Variants in GEMIN5 observed in about 807,000 individuals in gnomAD.
GEMIN5 encodes the protein gem nuclear organelle associated protein 5, also known as gem-associated protein 5.
GEMIN5 carries 124 observed loss-of-function variants against 176.9 expected under a neutral mutation model. The ratio of observed to expected loss-of-function variants is 0.70; its 90% CI spans 0.61 to 0.81. The LOEUF is 0.81. GEMIN5 is among the 40% of genes least tolerant of loss of function. The pLI, the probability that GEMIN5 is intolerant of heterozygous loss-of-function variation, is 0.00. For missense variants in GEMIN5, 1,843 were observed against 1,814.6 expected (o/e 1.02, Z -0.28); for synonymous variants, 673 against 665.2 (o/e 1.01, Z -0.18).
chr5:154,922,887 G>A (rs545176751), intron 9 of GEMIN5, among the ~76,000 whole-genome samples: 68 of 151,678 alleles, frequency 4.5e-4, no homozygotes, highest in Admixed American at 3.5e-3. Flanking sequence ...TAGTAGAGAC[G>A]GGCTTTCACC....
intron 14 of GEMIN5, among the ~76,000 whole-genome samples, chr5:154,912,123 A>T (rs1332197328): frequency 3.3e-5 from 5 of 152,176 alleles, no homozygotes; most frequent in Non-Finnish European, 7.3e-5. Context: ...TACGGGGATG[A>T]TTTTGAATGA....
chr5:154,926,187 C>A, intron 7 of GEMIN5, 113 bp from the exon 8 acceptor site: 2 of 633,650 alleles, frequency 3.2e-6, no homozygotes, highest in Non-Finnish European at 5.6e-6. Flanking sequence ...TAATGCATGT[C>A]TTCCAGCAGG....
At chr5:154,910,802 C>T (rs1763684936) in intron 15 of GEMIN5, among the ~76,000 whole-genome samples, 1 of 152,128 alleles carries the variant, frequency 6.6e-6, no homozygotes, top group African/African-American at 2.4e-5. Flanking sequence ...GGCTTCACGC[C>T]ATTCTCCTGC....
At chr5:154,896,031 A>G in intron 24 of GEMIN5, 61 bp downstream of exon 24, 1 of 1,577,194 alleles carries the variant, frequency 6.3e-7, no homozygotes, top group East Asian at 2.2e-5. Flanking sequence ...TACAATAGAC[A>G]TGGATTAAGG....
At chr5:154,920,806 C>T (rs1466248145) in intron 10 of GEMIN5, among the ~76,000 whole-genome samples, 2 of 152,012 alleles carry the variant, frequency 1.3e-5, no homozygotes, top group Admixed American at 6.6e-5. Flanking sequence ...GATGAATACA[C>T]TTATGTAAAA....
intron 26 of GEMIN5, among the ~76,000 whole-genome samples, chr5:154,890,904 C>T (rs1391348837): frequency 6.6e-6 from 1 of 152,160 alleles, no homozygotes; most frequent in Non-Finnish European, 1.5e-5. Flanking sequence ...GCTGGAATTA[C>T]AGGCATGTGC....
Position 154,912,989 on chromosome 5 carries a change from G to C in GEMIN5, c.1905C>G (p.Leu635=), listed in dbSNP as rs373842989. The change falls in exon 14 of 28, where the codon CTC becomes CTG. Residue 635 remains leucine (L), a synonymous_variant. Coordinates refer to ENST00000285873, the MANE Select transcript of GEMIN5 (RefSeq NM_015465.5). ...TGGTAATCTTGGCCGTATGCCCTGA[G>C]AGGGTCCGGTAGGGCTCTGTAATGG... ...PVTITEPYRT[L]SGHTAKITSV... The C allele has an allele frequency of 1.2e-5, 19 of 1,613,736 alleles. No individual in the cohort carries two copies. The highest frequency in any genetic ancestry group is 1.6e-5 in the Non-Finnish European group (19 of 1,179,640).
intron 1 of GEMIN5, 76 bp downstream of exon 1, chr5:154,937,892 G>A (rs896295164): frequency 1.5e-5 from 19 of 1,293,652 alleles, no homozygotes; most frequent in Non-Finnish European, 1.8e-5. Flanking sequence ...TAGAAAACGG[G>A]GTGGAGTCGT....
At chr5:154,922,752 A>C (rs1013749205) in intron 9 of GEMIN5, among the ~76,000 whole-genome samples, 3 of 148,306 alleles carry the variant, frequency 2.0e-5, no homozygotes, top group Non-Finnish European at 4.4e-5. Context: ...GCTGGAGCAC[A>C]GTGGCACGAT....
In GEMIN5 at chr5:154,898,481, C is replaced by T. The variant is rs138249132; in HGVS notation, c.3304G>A (p.Val1102Met). Reference sequence around the variant, plus strand: ...AGCTGCAGGGCTTCCTGGGCTCCCACCCAGTTGTTGGCCAGAAGCAGCTCT... The same window carrying T: ...AGCTGCAGGGCTTCCTGGGCTCCCATCCAGTTGTTGGCCAGAAGCAGCTCT... ...AQELLLANNW[V>M]GAQEALQLHE... The change falls in exon 23 of 28, where the codon GTG becomes ATG. Residue 1102 changes from valine (V) to methionine (M), a missense_variant. Val to Met is a conservative substitution (Grantham distance 21, BLOSUM62 1). Coordinates refer to ENST00000285873, the MANE Select transcript of GEMIN5 (RefSeq NM_015465.5). 2.0e-5 allele frequency: 33 copies of T among 1,614,054 alleles called. No individual in the cohort carries two copies. Among genetic ancestry groups the T allele is most frequent in the Non-Finnish European group, 4.2e-6 (5 of 1,180,036 alleles).
intron 24 of GEMIN5, 60 bp from the exon 25 acceptor site, chr5:154,892,609 CACCAA>C (rs1763255334): frequency 2.0e-6 from 3 of 1,500,452 alleles, no homozygotes; most frequent in Admixed American, 1.9e-5. Flanking sequence ...CAGAGGATGC[CACCAA>C]ACTGTTCCTG....
chr5:154,910,812 C>A (rs1026767716), intron 15 of GEMIN5, among the ~76,000 whole-genome samples: 10 of 152,200 alleles, frequency 6.6e-5, no homozygotes, highest in Non-Finnish European at 1.5e-4. Flanking sequence ...CATTCTCCTG[C>A]CTCAGCCTCC....
chr5:154,932,735 G>A (rs1363956569), intron 3 of GEMIN5, among the ~76,000 whole-genome samples: 1 of 152,022 alleles, frequency 6.6e-6, no homozygotes, highest in Non-Finnish European at 1.5e-5. Context: ...GCTAATTTTT[G>A]TATTTTTTTG....
At chr5:154,891,931 C>T (rs578180283) in intron 25 of GEMIN5, among the ~76,000 whole-genome samples, 189 bp from the exon 26 acceptor site, 4 of 152,124 alleles carry the variant, frequency 2.6e-5, no homozygotes, top group South Asian at 2.1e-4. Flanking sequence ...TCCTGGCTTG[C>T]GACAGTGTTC....
intron 15 of GEMIN5, among the ~76,000 whole-genome samples, chr5:154,908,835 TA>T (rs1763628921): frequency 6.6e-6 from 1 of 152,260 alleles, no homozygotes; most frequent in African/African-American, 2.4e-5. Context: ...AGTTACTCCC[TA>T]AAAGGGTATT....
chr5:154,907,862 G>C, intron 15 of GEMIN5, 44 bp from the exon 16 acceptor site: 1 of 1,394,996 alleles, frequency 7.2e-7, no homozygotes, highest in Non-Finnish European at 1.0e-6. Context: ...ATACATTCTT[G>C]GTTAAAAGCA....
At chr5:154,906,026 A>G (rs1229577534) in intron 16 of GEMIN5, among the ~76,000 whole-genome samples, 1 of 150,836 alleles carries the variant, frequency 6.6e-6, no homozygotes, top group African/African-American at 2.4e-5. Context: ...GAGATAAGAT[A>G]TAACTGTTGC....
At chr5:154,935,461 A>G (rs1764247404) in intron 3 of GEMIN5, among the ~76,000 whole-genome samples, 2 of 152,224 alleles carry the variant, frequency 1.3e-5, no homozygotes, top group Non-Finnish European at 2.9e-5. Context: ...ATGCCGCATC[A>G]CTTTCCCAAT....
At chr5:154,909,410 T>G (rs1429054953) in intron 15 of GEMIN5, among the ~76,000 whole-genome samples, 1 of 152,148 alleles carries the variant, frequency 6.6e-6, no homozygotes, top group Non-Finnish European at 1.5e-5. Context: ...TCATGAATTC[T>G]TCCATTACTG....
Sources: gnomAD v4.1 joint callset for allele counts (sites outside exome capture counted in the v4.1 genomes callset) on GRCh38, gnomAD v4.1.1 for gene constraint, MANE v1.5 for transcripts, NCBI Gene and HGNC (gene_info 2026-07-23, HGNC 2026-07-21) for gene names.